ADAMTS16: variants seen among roughly 807,000 people sequenced by gnomAD.
The protein encoded by ADAMTS16 is ADAM metallopeptidase with thrombospondin type 1 motif 16.
In ADAMTS16, 94 loss-of-function variants were observed where a neutral mutation model predicts 145.8. The ratio of observed to expected loss-of-function variants is 0.64; its 90% CI spans 0.55 to 0.77. The LOEUF is 0.77. Among genes scored for constraint, ADAMTS16 ranks in the 30% least tolerant of loss-of-function variants. ADAMTS16 has a pLI of 0.00. For synonymous variants in ADAMTS16, 659 were observed against 604.3 expected (o/e 1.09, Z -1.33); for missense variants, 1,585 against 1,591.5 (o/e 1.00, Z 0.07).
intron 18 of ADAMTS16, among the ~76,000 whole-genome samples, chr5:5,271,221 C>A (rs1352891402): frequency 6.6e-6 from 1 of 152,238 alleles, no homozygotes; most frequent in Admixed American, 6.5e-5. Flanking sequence ...TCCCCTAAGT[C>A]CTAAATCTCT....
At chr5:5,313,618 T>G (rs563898710) in intron 21 of ADAMTS16, among the ~76,000 whole-genome samples, 2 of 152,216 alleles carry the variant, frequency 1.3e-5, no homozygotes, top group East Asian at 3.9e-4. Flanking sequence ...CACAATTTGG[T>G]CAATTTGTGA....
Position 5,296,940 on chromosome 5 carries a change from G to A in ADAMTS16, c.2790-6328G>A, listed in dbSNP as rs532243329. Among the ~76,000 whole-genome samples, 334 of 152,346 alleles carry A rather than the reference G, an allele frequency of 2.2e-3. 4 individuals are homozygous for A. Among genetic ancestry groups the A allele is most frequent in the African/African-American group, 7.9e-3 (327 of 41,588 alleles). Reference sequence around the variant, plus strand: ...GGCTCAATGGGTGGGTGTTGAAGGGGCACAGAAGCGGCAAGGGAGAGGTGG... The same window carrying A: ...GGCTCAATGGGTGGGTGTTGAAGGGACACAGAAGCGGCAAGGGAGAGGTGG... On this transcript the variant is annotated intron_variant, in intron 18 of 22. Transcript: ENST00000274181.
chr5:5,291,096 C>T (rs1006093485), intron 18 of ADAMTS16, among the ~76,000 whole-genome samples: 2 of 152,058 alleles, frequency 1.3e-5, no homozygotes, highest in East Asian at 1.9e-4. Flanking sequence ...ATTCCAAAAT[C>T]ACATAGTTCC....
intron 9 of ADAMTS16, among the ~76,000 whole-genome samples, chr5:5,204,355 A>G (rs1051163450): frequency 1.3e-5 from 2 of 152,228 alleles, no homozygotes; most frequent in African/African-American, 4.8e-5. Flanking sequence ...ACAGAAAAGT[A>G]CAAAATTATA....
At chr5:5,169,265 G>C (rs528382972) in intron 3 of ADAMTS16, among the ~76,000 whole-genome samples, 1 of 152,234 alleles carries the variant, frequency 6.6e-6, no homozygotes, top group Non-Finnish European at 1.5e-5. Context: ...TTGTTTCAAC[G>C]TAGAAGGAAA....
chr5:5,198,255 G>A (rs1735862177), intron 8 of ADAMTS16, among the ~76,000 whole-genome samples: 1 of 152,116 alleles, frequency 6.6e-6, no homozygotes, highest in South Asian at 2.1e-4. Flanking sequence ...CTCCCATTTA[G>A]GATTTCAGCC....
chr5:5,193,639 C>CCCTCA (rs1312640758), intron 8 of ADAMTS16, among the ~76,000 whole-genome samples: 1 of 152,174 alleles, frequency 6.6e-6, no homozygotes, highest in African/African-American at 2.4e-5. Flanking sequence ...CGACACAAGG[C>CCCTCA]CCTCAGTTGA....
chr5:5,225,670 GC>G (rs1736739588), intron 11 of ADAMTS16, among the ~76,000 whole-genome samples: 1 of 151,812 alleles, frequency 6.6e-6, no homozygotes, highest in Admixed American at 6.6e-5. Flanking sequence ...GACAAATAAG[GC>G]CAGCAGTTGC....
At chr5:5,225,600 TCA>T (rs201898052) in intron 11 of ADAMTS16, among the ~76,000 whole-genome samples, 20 of 146,594 alleles carry the variant, frequency 1.4e-4, no homozygotes, top group East Asian at 2.0e-4. Flanking sequence ...AGACTTGGTT[TCA>T]AAAAAAAAAA....
intron 10 of ADAMTS16, among the ~76,000 whole-genome samples, chr5:5,210,506 T>A (rs1360731178): frequency 2.6e-5 from 4 of 152,226 alleles, no homozygotes; most frequent in Non-Finnish European, 5.9e-5. Context: ...AGACACGTTT[T>A]ATTTGCATAA....
At chr5:5,229,709 T>G (rs1356520289) in intron 11 of ADAMTS16, among the ~76,000 whole-genome samples, 3 of 152,224 alleles carry the variant, frequency 2.0e-5, no homozygotes, top group Non-Finnish European at 4.4e-5. Context: ...ATATTTTTCT[T>G]TATCATTTAG....
intron 9 of ADAMTS16, among the ~76,000 whole-genome samples, chr5:5,203,175 G>A (rs60967875): frequency 0.022 from 3,412 of 152,238 alleles, 141 homozygotes; most frequent in African/African-American, 0.078. Flanking sequence ...CGTGCTTACA[G>A]ATTTGTTTTC....
Position 5,317,357 on chromosome 5 carries a change from A to G in ADAMTS16, c.3412-777A>G, listed in dbSNP as rs1290389912. Among the ~76,000 whole-genome samples the G allele has an allele frequency of 6.6e-6, 1 of 152,092 alleles. No homozygotes were observed. The highest frequency in any genetic ancestry group is 2.4e-5 in the African/African-American group (1 of 41,404). On this transcript the variant is annotated intron_variant, in intron 21 of 22. Transcript: ENST00000274181. This position sits in a 1 kb window ranked among gnomAD's most constrained non-coding sequence, Gnocchi z 4.5. ...GGAGATAATATGCCAATCCATGAAT[A>G]TCAGCTTTTTTAATCAGTATACTTA... is the stretch of plus-strand genomic sequence containing the variant.
chr5:5,216,201 A>G (rs898232714), intron 10 of ADAMTS16, among the ~76,000 whole-genome samples: 1 of 151,924 alleles, frequency 6.6e-6, no homozygotes, highest in Admixed American at 6.6e-5. Flanking sequence ...ACACACAAAC[A>G]TCTACTGTTT....
Position 5,310,303 on chromosome 5 carries a change from C to T in ADAMTS16, c.3411+3575C>T, listed in dbSNP as rs920466409. Among the ~76,000 whole-genome samples the T allele has an allele frequency of 4.6e-5, 7 of 152,168 alleles. No individual in the cohort carries two copies. Among genetic ancestry groups the T allele is most frequent in the African/African-American group, 1.7e-4 (7 of 41,434 alleles). On this transcript the variant is annotated intron_variant, in intron 21 of 22. Transcript: ENST00000274181. This position sits in a 1 kb window ranked among gnomAD's most constrained non-coding sequence, Gnocchi z 4.3. ...TCTCATCCTTCCTAGCCCCCAATTC[C>T]CTTTTCTGTGGCCACTTCCAGCCCG...
chr5:5,236,937 T>A (rs193032573), intron 13 of ADAMTS16, 32 bp from the exon 14 acceptor site: 1 of 1,583,334 alleles, frequency 6.3e-7, no homozygotes, highest in African/African-American at 1.4e-5. Context: ...GTATTTTTCT[T>A]ATTTGTGTTT....
chr5:5,233,984 C>T (rs1390178497), intron 12 of ADAMTS16, among the ~76,000 whole-genome samples: 1 of 152,206 alleles, frequency 6.6e-6, no homozygotes. Context: ...TCCTTTTCCT[C>T]CATAACCTCG....
At chr5:5,306,464 A>G in intron 20 of ADAMTS16, 40 bp from the exon 21 acceptor site, 1 of 1,571,848 alleles carries the variant, frequency 6.4e-7, no homozygotes, top group South Asian at 1.2e-5. Flanking sequence ...GCAAAAAAAG[A>G]GATTTTTTTC....
chr5:5,208,192 G>GGAAC (rs1296163292), intron 9 of ADAMTS16, among the ~76,000 whole-genome samples: 14 of 152,168 alleles, frequency 9.2e-5, no homozygotes, highest in African/African-American at 3.4e-4. Flanking sequence ...CTGAAGCAGT[G>GGAAC]GAACGTGGGA....
Sources: allele counts gnomAD v4.1 joint callset (sites outside exome capture counted in the v4.1 genomes callset), GRCh38; gene constraint gnomAD v4.1.1; non-coding constraint Gnocchi (gnomAD v3.1); transcripts MANE v1.5; gene names NCBI Gene and HGNC (gene_info 2026-07-23, HGNC 2026-07-21).